The following TNRC6C variants were observed in gnomAD, a reference collection of about 807,000 sequenced individuals.
TNRC6C encodes the protein trinucleotide repeat-containing gene 6C protein.
TNRC6C carries 20 observed loss-of-function variants against 153.7 expected under a neutral mutation model. The observed-to-expected ratio is 0.13, with a 90% CI of 0.09 to 0.19. TNRC6C has a LOEUF of 0.19. TNRC6C is among the 10% of genes least tolerant of loss of function. The pLI is 1.00. For missense variants in TNRC6C, 1,987 were observed against 2,172.0 expected (o/e 0.91, Z 1.69); for synonymous variants, 811 against 841.4 (o/e 0.96, Z 0.63).
chr17:78,011,532 A>T (rs1055906452), intron 1 of TNRC6C, among the ~76,000 whole-genome samples: 2 of 152,196 alleles, frequency 1.3e-5, no homozygotes, highest in African/African-American at 4.8e-5. Flanking sequence ...TTTATTGCTG[A>T]GCAGTGTTCC....
intron 1 of TNRC6C, among the ~76,000 whole-genome samples, chr17:77,977,417 A>G (rs1342483432): frequency 6.6e-6 from 1 of 152,164 alleles, no homozygotes; most frequent in African/African-American, 2.4e-5. Flanking sequence ...CCTAATCTCC[A>G]GTAGTTAAAG....
intron 6 of TNRC6C, among the ~76,000 whole-genome samples, chr17:78,071,422 GC>G (rs2144293311): frequency 6.6e-6 from 1 of 151,916 alleles, no homozygotes; most frequent in East Asian, 1.9e-4. Context: ...AATAGAAAAT[GC>G]TTTTTTTTTT....
chr17:77,985,617 C>A (rs866333002), intron 1 of TNRC6C, among the ~76,000 whole-genome samples: 32 of 140,204 alleles, frequency 2.3e-4, no homozygotes, highest in Non-Finnish European at 2.7e-4. Context: ...AAAAAAAAAA[C>A]CAGCAACTGT....
At chr17:78,078,024 A>T (rs2073114606) in intron 9 of TNRC6C, among the ~76,000 whole-genome samples, 1 of 152,106 alleles carries the variant, frequency 6.6e-6, no homozygotes. Context: ...ACACACACAC[A>T]CACCGCTTGG....
intron 1 of TNRC6C, chr17:78,008,332 C>T (rs1043984628): frequency 6.6e-6 from 1 of 152,218 alleles, no homozygotes; most frequent in Non-Finnish European, 1.5e-5. Flanking sequence ...GCTATCTTTT[C>T]AAATTCTGAC....
intron 2 of TNRC6C, among the ~76,000 whole-genome samples, chr17:78,036,819 G>A (rs113964086): frequency 0.015 from 2,319 of 151,852 alleles, 54 homozygotes; most frequent in African/African-American, 0.054. Flanking sequence ...AGCTACTCGG[G>A]AGGCTGAGGC....
Position 78,075,065 on chromosome 17 carries a change from G to A in TNRC6C, c.2918-71G>A. On this transcript the variant is annotated intron_variant, in intron 7 of 19. Coordinates refer to ENST00000301624, the Ensembl canonical transcript of TNRC6C. The surrounding 1 kb of genome is among the most constrained non-coding windows in gnomAD (Gnocchi z 4.2). ...GTCTCCATCCCTCCTTGAGGCCTTA[G>A]CTGGTGCCTATCTTGTGCTCAGCAC... The A allele has an allele frequency of 1.9e-6, 3 of 1,563,260 alleles. No individual in the cohort carries two copies. In the South Asian group the frequency reaches 3.5e-5, roughly 18 times the overall value.
intron 16 of TNRC6C, 118 bp downstream of exon 18, chr17:78,093,881 A>T: frequency 7.9e-7 from 1 of 1,269,710 alleles, no homozygotes; most frequent in South Asian, 1.7e-5. Flanking sequence ...GTTGGCGGGC[A>T]CCTTTTCTAG....
intron 13 of TNRC6C, among the ~76,000 whole-genome samples, chr17:78,087,637 G>A (rs1421457469): frequency 6.6e-6 from 1 of 152,110 alleles, no homozygotes; most frequent in East Asian, 1.9e-4. Context: ...CCACAGAGAA[G>A]ACTTTATAAT....
At chr17:78,087,477 G>A (rs564420563) in intron 13 of TNRC6C, among the ~76,000 whole-genome samples, 28 of 140,868 alleles carry the variant, frequency 2.0e-4, no homozygotes, top group Admixed American at 7.2e-4. Context: ...GAGTTTTGCC[G>A]CTGCCAATAA....
At chr17:78,105,522 A>G (rs1021393816) in exon 20 of TNRC6C, 16 of 152,250 alleles carry the variant, frequency 1.1e-4, no homozygotes, top group African/African-American at 3.4e-4. Context: ...GTGAAATGTG[A>G]ACACTTTCTA....
At position 78,013,582 on chromosome 17, in the gene TNRC6C, G is replaced by C. The variant is rs559607260; in HGVS notation, c.-546+8503G>C. Among the ~76,000 whole-genome samples, 311 of 152,312 alleles carry C rather than the reference G, an allele frequency of 2.0e-3. 3 individuals carry two copies. Among genetic ancestry groups the C allele is most frequent in the African/African-American group, 6.8e-3 (283 of 41,558 alleles). On this transcript the variant is annotated intron_variant, in intron 1 of 19. Coordinates refer to ENST00000301624, the Ensembl canonical transcript of TNRC6C. ...GAGATACACTTCCCACTCTCATGGA[G>C]CTGAGTCTTATGAGGAATGGACATA...
At chr17:78,032,378 A>G (rs2072093814) in intron 2 of TNRC6C, among the ~76,000 whole-genome samples, 1 of 152,232 alleles carries the variant, frequency 6.6e-6, no homozygotes, top group Non-Finnish European at 1.5e-5. Context: ...CTCCTAAGAA[A>G]AATCACCACT....
chr17:78,000,758 A>G (rs188172923), upstream of TNRC6C, among the ~76,000 whole-genome samples: 656 of 152,160 alleles, frequency 4.3e-3, no homozygotes, highest in Non-Finnish European at 6.5e-3. Flanking sequence ...ACAATTTCTG[A>G]TAACTAAACC....
At chr17:77,990,564 G>C (rs1001304205) in intron 1 of TNRC6C, among the ~76,000 whole-genome samples, 10 of 150,116 alleles carry the variant, frequency 6.7e-5, no homozygotes, top group African/African-American at 2.5e-4. Context: ...TCAGAACTTA[G>C]CTCACTTTCG....
At chr17:78,006,632 C>CCTT (rs146107573) in intron 1 of TNRC6C, among the ~76,000 whole-genome samples, 5,881 of 143,464 alleles carry the variant, frequency 0.041, 396 homozygotes, top group African/African-American at 0.13. Flanking sequence ...TCTTCTTCTT[C>CCTT]CTTCTTCTTG....
Position 78,104,986 on chromosome 17 carries a change from A to C in TNRC6C, c.*141A>C. ...AGGACTGAAGACGAACCTTGGCCGC[A>C]GTCCTTGCGAACTGTTCGCAAAACA... On this transcript the variant is annotated 3_prime_UTR_variant, in exon 20 of 20. Transcript: ENST00000301624. This position sits in a 1 kb window ranked among gnomAD's most constrained non-coding sequence, Gnocchi z 6.2. 8.5e-7 allele frequency: 1 copy of C among 1,176,684 alleles called. No individual in the cohort carries two copies. Among genetic ancestry groups the C allele is most frequent in the Non-Finnish European group, 1.1e-6 (1 of 912,048 alleles). 72.9% of individuals were successfully genotyped at this position (1,176,684 alleles called of 1,614,324 possible).
chr17:78,096,840 C>G (rs2073496320), intron 16 of TNRC6C, among the ~76,000 whole-genome samples: 1 of 152,150 alleles, frequency 6.6e-6, no homozygotes, highest in African/African-American at 2.4e-5. Flanking sequence ...AAAGGGAGAG[C>G]CACATTAGAA....
intron 1 of TNRC6C, among the ~76,000 whole-genome samples, chr17:77,982,561 G>A (rs1452626777): frequency 6.6e-6 from 1 of 152,350 alleles, no homozygotes; most frequent in East Asian, 1.9e-4. Context: ...GCCAGGCGCG[G>A]TGGCTCATGC....
Sources: gnomAD v4.1 joint callset for allele counts (sites outside exome capture counted in the v4.1 genomes callset) on GRCh38, gnomAD v4.1.1 for gene constraint, Gnocchi (gnomAD v3.1) non-coding constraint, MANE v1.5 for transcripts, NCBI Gene and HGNC (gene_info 2026-07-23, HGNC 2026-07-21) for gene names.